The following BRINP1 variants were observed in gnomAD, a reference collection of about 807,000 sequenced individuals.
BRINP1 encodes BMP/retinoic acid-inducible neural-specific protein 1.
Under a neutral mutation model 72.9 loss-of-function variants are expected in BRINP1, and 17 were observed. The observed-to-expected ratio is 0.23, with a 90% CI of 0.16 to 0.35. The LOEUF (loss-of-function observed/expected upper bound fraction) is 0.35, where lower values mean the gene tolerates loss of function less well. Among genes scored for constraint, BRINP1 ranks in the 10% least tolerant of loss-of-function variants. BRINP1 has a pLI of 1.00. For synonymous variants in BRINP1, 418 were observed against 378.5 expected (o/e 1.10, Z -1.21); for missense variants, 850 against 1,001.6 (o/e 0.85, Z 2.04).
chr9:119,198,036 C>T (rs904888383), intron 7 of BRINP1, among the ~76,000 whole-genome samples: 1 of 151,912 alleles, frequency 6.6e-6, no homozygotes, highest in Non-Finnish European at 1.5e-5. Flanking sequence ...TTGAATAAAC[C>T]GAGGTTTGAA....
chr9:119,284,196 A>G (rs1258459845), intron 2 of BRINP1, among the ~76,000 whole-genome samples: 1 of 152,212 alleles, frequency 6.6e-6, no homozygotes, highest in East Asian at 1.9e-4. Context: ...GGGAAAGCCC[A>G]TGCTTTCTAG....
rs183130966 is a variant in BRINP1, at chr9:119,364,893, C to T, written c.-51+4163G>A. On this transcript the variant is annotated intron_variant, in intron 1 of 7. Transcript: ENST00000265922. The stretch of plus-strand genomic sequence containing the variant: ...CTTGGTATAGGCAAAAATGCCGTAA[C>T]GGCATTGCTTTAAATGAACATGAAG... Among the ~76,000 whole-genome samples, 473 of 152,302 alleles carry T rather than the reference C, an allele frequency of 3.1e-3. 3 individuals carry two copies. Among genetic ancestry groups the T allele is most frequent in the African/African-American group, 0.01 (424 of 41,568 alleles).
intron 1 of BRINP1, among the ~76,000 whole-genome samples, chr9:119,319,855 C>T (rs1831166297): frequency 6.6e-6 from 1 of 152,126 alleles, no homozygotes; most frequent in Non-Finnish European, 1.5e-5. Context: ...TCCAGCATTC[C>T]CCAGCCTCAT....
intron 1 of BRINP1, among the ~76,000 whole-genome samples, chr9:119,317,953 C>T (rs772156575): frequency 6.6e-6 from 1 of 152,180 alleles, no homozygotes; most frequent in Non-Finnish European, 1.5e-5. Flanking sequence ...ATACTGTAAA[C>T]ATAAGTTTAA....
Position 119,367,221 on chromosome 9 carries a change from G to GTGATATATATATATATATAT in BRINP1, c.-51+1834_-51+1835insATATATATATATATATATCA, listed in dbSNP as rs1564259756. Among the ~76,000 whole-genome samples the GTGATATATATATATATATAT allele has an allele frequency of 9.6e-3, 958 of 99,684 alleles. 14 individuals are homozygous for GTGATATATATATATATATAT. The highest frequency in any genetic ancestry group is 0.013 in the Non-Finnish European group (677 of 52,570). 65.4% of individuals were successfully genotyped at this position (99,684 alleles called of 152,430 possible). Reference sequence around the variant, plus strand: ...TGTGTGTGTGTGTGTGTGTGTGATTGATATATATATATATATATATATCTT... The same window carrying GTGATATATATATATATATAT: ...TGTGTGTGTGTGTGTGTGTGTGATTGTGATATATATATATATATATATATATATATATATATATATATCTT... On this transcript the variant is annotated intron_variant, in intron 1 of 7. Coordinates refer to ENST00000265922, the MANE Select transcript of BRINP1 (RefSeq NM_014618.3).
chr9:119,250,072 G>A, intron 2 of BRINP1, among the ~76,000 whole-genome samples: 1 of 97,406 alleles, frequency 1.0e-5, no homozygotes. Flanking sequence ...GAAGAAGGAA[G>A]GAAGGAAGAA....
chr9:119,244,804 C>T (rs1830297433), intron 3 of BRINP1, among the ~76,000 whole-genome samples: 1 of 152,200 alleles, frequency 6.6e-6, no homozygotes, highest in Non-Finnish European at 1.5e-5. Flanking sequence ...TGCAAATTGC[C>T]TCTTCGCCCC....
chr9:119,290,675 TAC>T, intron 2 of BRINP1, among the ~76,000 whole-genome samples: 1 of 152,296 alleles, frequency 6.6e-6, no homozygotes, highest in South Asian at 2.1e-4. Flanking sequence ...CAAGTGTGAT[TAC>T]CCAGGGAAAA....
intron 1 of BRINP1, among the ~76,000 whole-genome samples, chr9:119,346,060 C>T (rs543951769): frequency 5.9e-5 from 9 of 152,200 alleles, no homozygotes; most frequent in South Asian, 4.1e-4. Flanking sequence ...GATGCCTTGA[C>T]GGTAGGATTT....
At chr9:119,268,187 G>A (rs1185366219) in intron 2 of BRINP1, among the ~76,000 whole-genome samples, 5 of 151,874 alleles carry the variant, frequency 3.3e-5, no homozygotes, top group Non-Finnish European at 7.4e-5. Flanking sequence ...TGGTTGCAGT[G>A]AGCCAAGATC....
At chr9:119,262,666 A>G (rs989684319) in intron 2 of BRINP1, among the ~76,000 whole-genome samples, 1 of 134,102 alleles carries the variant, frequency 7.5e-6, no homozygotes, top group Non-Finnish European at 1.6e-5. Flanking sequence ...AAAAAAAAAA[A>G]GCTGAAATTG....
chr9:119,309,870 T>C (rs935532245), intron 2 of BRINP1, among the ~76,000 whole-genome samples: 1 of 152,180 alleles, frequency 6.6e-6, no homozygotes, highest in Non-Finnish European at 1.5e-5. Flanking sequence ...TGGTCATCTC[T>C]ATGTTAGCGA....
chr9:119,278,371 G>T (rs893108683), intron 2 of BRINP1, among the ~76,000 whole-genome samples: 1 of 152,200 alleles, frequency 6.6e-6, no homozygotes, highest in Non-Finnish European at 1.5e-5. Context: ...AGGCAGGGCC[G>T]CCTTGCTGAC....
At chr9:119,330,683 A>T (rs980048854) in intron 1 of BRINP1, among the ~76,000 whole-genome samples, 2 of 152,136 alleles carry the variant, frequency 1.3e-5, no homozygotes, top group African/African-American at 4.8e-5. Flanking sequence ...GCATGCAATA[A>T]ATGTGATTGA....
chr9:119,309,725 C>A (rs1453037561), intron 2 of BRINP1, among the ~76,000 whole-genome samples: 1 of 152,108 alleles, frequency 6.6e-6, no homozygotes, highest in African/African-American at 2.4e-5. Flanking sequence ...CATTTCTATC[C>A]ATGAAAAGAT....
chr9:119,175,535 G>A (rs1257888236), intron 7 of BRINP1, among the ~76,000 whole-genome samples: 3 of 151,996 alleles, frequency 2.0e-5, no homozygotes, highest in Admixed American at 1.3e-4. Flanking sequence ...AAAAGGGGGG[G>A]TTATTTCCCT....
intron 2 of BRINP1, among the ~76,000 whole-genome samples, chr9:119,281,162 G>C (rs114012569): frequency 3.3e-4 from 50 of 152,236 alleles, no homozygotes; most frequent in African/African-American, 1.1e-3. Context: ...GCTATGGATG[G>C]GTCAGGAATT....
chr9:119,266,674 C>T lies in BRINP1; in HGVS notation c.219-17524G>A, dbSNP rs138570927. Among the ~76,000 whole-genome samples, 1,049 of 152,308 alleles carry T rather than the reference C, an allele frequency of 6.9e-3. 12 individuals carry two copies. The highest frequency in any genetic ancestry group is 0.024 in the African/African-American group (985 of 41,550). On this transcript the variant is annotated intron_variant, in intron 2 of 7. Transcript: ENST00000265922. ...ATCTCATTTCTCCTACCCTCAGTCT[C>T]TGGTAACCACCATTCTACCCTCTGC...
At chr9:119,277,278 G>A (rs942908496) in intron 2 of BRINP1, among the ~76,000 whole-genome samples, 9 of 151,950 alleles carry the variant, frequency 5.9e-5, no homozygotes, top group Admixed American at 2.0e-4. Flanking sequence ...CTCCTCCTTC[G>A]CTCTTTCGTC....
Sources: allele counts gnomAD v4.1 joint callset (sites outside exome capture counted in the v4.1 genomes callset), GRCh38; gene constraint gnomAD v4.1.1; transcripts MANE v1.5; gene names NCBI Gene and HGNC (gene_info 2026-07-23, HGNC 2026-07-21).